The following GRIA3 variants were observed in gnomAD, a reference collection of about 807,000 sequenced individuals.
The protein encoded by GRIA3 is glutamate ionotropic receptor AMPA type subunit 3, also known as glutamate receptor 3.
A neutral mutation model predicts 63.0 loss-of-function variants in GRIA3; 3 were observed. That is an observed-to-expected ratio of 0.05 (90% confidence interval 0.02 to 0.12). The LOEUF (loss-of-function observed/expected upper bound fraction) is 0.12, where lower values mean the gene tolerates loss of function less well. GRIA3 is among the 10% of genes least tolerant of loss of function. The pLI is 1.00. For synonymous variants in GRIA3, 274 were observed against 257.9 expected, an observed-to-expected ratio of 1.06 and a Z score of -0.60; for missense variants, 347 against 700.9, an observed-to-expected ratio of 0.50 and a Z score of 5.70.
At chrX:123,425,297 T>C (rs2045583988) in intron 11 of GRIA3, among the ~76,000 whole-genome samples, 1 of 111,925 alleles carries the variant, frequency 8.9e-6, no homozygotes, top group African/African-American at 3.2e-5. Flanking sequence ...TGCCTCAGTT[T>C]CTTTATCTGT....
chrX:123,248,334 A>G (rs1010628421), intron 2 of GRIA3, among the ~76,000 whole-genome samples: 7 of 112,475 alleles, frequency 6.2e-5, no homozygotes, highest in Admixed American at 5.6e-4. Context: ...AACTTGCGCA[A>G]AGTTACGCAG....
At chrX:123,269,633 G>A (rs1409043150) in intron 3 of GRIA3, among the ~76,000 whole-genome samples, 1 of 111,880 alleles carries the variant, frequency 8.9e-6, no homozygotes, top group African/African-American at 3.2e-5. Flanking sequence ...AGACATCTCT[G>A]TGGTTTAGGC....
intron 12 of GRIA3, among the ~76,000 whole-genome samples, chrX:123,445,898 C>G (rs370343517): frequency 1.8e-5 from 2 of 112,257 alleles, no homozygotes; most frequent in African/African-American, 6.5e-5. Context: ...AAAAACGAAT[C>G]TAATTTATGG....
rs767140005 is a variant in GRIA3 at position 123,395,053 on chromosome X, T to C, written c.836T>C (p.Met279Thr). ...CAGATTGTCAACAATGAAAACCCTA[T>C]GGTTCAGCAGTTCATACAGCGCTGG... The part of the protein sequence containing the change: ...GFQIVNNENP[M>T]VQQFIQRWVR... The change falls in exon 6 of 16, where the codon ATG (methionine) becomes ACG (threonine). Residue 279 changes from methionine (M) to threonine (T), a missense_variant. Physicochemically the swap from Met to Thr is moderately conservative, Grantham distance 81 (BLOSUM62 -1). Transcript: ENST00000620443. 8.3e-7 allele frequency: 1 copy of C among 1,203,545 alleles called. No homozygotes were observed. The highest frequency in any genetic ancestry group is 1.1e-6 in the Non-Finnish European group (1 of 887,940).
At chrX:123,199,274 ATT>A (rs5903635) in intron 2 of GRIA3, among the ~76,000 whole-genome samples, 48 of 78,578 alleles carry the variant, frequency 6.1e-4, no homozygotes, top group African/African-American at 1.1e-3. Context: ...AGTCTTTTAA[ATT>A]TTTTTTTTTT....
intron 12 of GRIA3, among the ~76,000 whole-genome samples, chrX:123,461,826 G>A (rs1395774692): frequency 1.8e-5 from 2 of 110,493 alleles, no homozygotes; most frequent in East Asian, 5.7e-4. Context: ...AAAAGAAGAT[G>A]AGAGGACAGA....
intron 12 of GRIA3, among the ~76,000 whole-genome samples, chrX:123,450,846 A>G (rs2045726191): frequency 8.9e-6 from 1 of 112,314 alleles, no homozygotes; most frequent in South Asian, 3.7e-4. Flanking sequence ...CTGACATTTG[A>G]TCAGACACCC....
At chrX:123,383,205 T>C (rs761450303) in intron 5 of GRIA3, among the ~76,000 whole-genome samples, 27 of 112,489 alleles carry the variant, frequency 2.4e-4, no homozygotes, top group Non-Finnish European at 4.9e-4. Context: ...TATTGTCACA[T>C]GCATAGAATT....
rs774819805 is a variant in GRIA3, at chrX:123,206,100, T to C, written c.268+20110T>C. On this transcript the variant is annotated intron_variant, in intron 2 of 15. Coordinates refer to ENST00000620443, the MANE Select transcript of GRIA3 (RefSeq NM_007325.5). ...TAAATGTTTACTGATCTGGAAAACA[T>C]AACTCATGTAAGAAGCATGGCAAAT... Among the ~76,000 whole-genome samples the C allele has an allele frequency of 2.7e-5, 3 of 111,856 alleles. No individual in the cohort carries two copies. The South Asian group carries it at 1.1e-3, about 42-fold the overall frequency.
chrX:123,410,596 G>A (rs936289585), intron 10 of GRIA3, among the ~76,000 whole-genome samples: 1 of 111,860 alleles, frequency 8.9e-6, no homozygotes, highest in South Asian at 3.8e-4. Flanking sequence ...CATTAAGAAA[G>A]GCAGAGAGTC....
At chrX:123,211,108 C>T (rs1465045233) in intron 2 of GRIA3, among the ~76,000 whole-genome samples, 1 of 111,933 alleles carries the variant, frequency 8.9e-6, no homozygotes, top group Non-Finnish European at 1.9e-5. Context: ...ATATGTTACA[C>T]AGAAATAGGT....
chrX:123,388,785 C>T (rs983399875), intron 5 of GRIA3, among the ~76,000 whole-genome samples: 1 of 111,818 alleles, frequency 8.9e-6, no homozygotes, highest in African/African-American at 3.2e-5. Flanking sequence ...TCTTGCTTTT[C>T]TAGTTCTTTG....
At chrX:123,223,727 T>G (rs561938417) in intron 2 of GRIA3, among the ~76,000 whole-genome samples, 25 of 111,142 alleles carry the variant, frequency 2.2e-4, no homozygotes, top group African/African-American at 7.2e-4. Context: ...AGGATAAGGG[T>G]GGAAGGGAGC....
intron 10 of GRIA3, among the ~76,000 whole-genome samples, chrX:123,412,701 C>T (rs994471077): frequency 5.4e-5 from 6 of 111,503 alleles, no homozygotes; most frequent in Non-Finnish European, 9.4e-5. Context: ...CTTCTTCCAC[C>T]TGCCTTCTTC....
chrX:123,373,348 T>C (rs1170924358), intron 5 of GRIA3, among the ~76,000 whole-genome samples: 2 of 111,794 alleles, frequency 1.8e-5, no homozygotes, highest in Non-Finnish European at 3.8e-5. Context: ...GTCTTTATAG[T>C]AGCATAATTT....
rs2045544027 is a variant in GRIA3 at position 123,417,776 on chromosome X, A to G, written c.1875A>G (p.Pro625=). The change falls in exon 11 of 16, where the codon CCA becomes CCG. Residue 625 remains proline, a splice_region_variant and synonymous_variant. Transcript: ENST00000620443. ...TGCAGCAAGGATGTGATATTTCTCC[A>G]AGGTTTGTTTTTGTGGCATACTCAA... The part of the protein sequence containing the change: ...AFMQQGCDIS[P]RSLSGRIVGG... 3 of 1,185,881 alleles carry G rather than the reference A, an allele frequency of 2.5e-6. No homozygotes were observed. The highest frequency in any genetic ancestry group is 3.6e-5 in the African/African-American group (2 of 56,297).
chrX:123,255,547 T>C (rs1333216230), intron 3 of GRIA3, among the ~76,000 whole-genome samples: 1 of 106,778 alleles, frequency 9.4e-6, no homozygotes, highest in Non-Finnish European at 1.9e-5. Flanking sequence ...ACAGTGTACC[T>C]CTCATTTATT....
chrX:123,475,406 A>G (rs1171355691), intron 13 of GRIA3, among the ~76,000 whole-genome samples: 1 of 112,126 alleles, frequency 8.9e-6, no homozygotes, highest in Non-Finnish European at 1.9e-5. Context: ...AGTGAGATAA[A>G]TATTTTTGGA....
At chrX:123,325,228 T>C (rs1264948395) in intron 3 of GRIA3, among the ~76,000 whole-genome samples, 2 of 112,106 alleles carry the variant, frequency 1.8e-5, no homozygotes, top group Admixed American at 9.4e-5. Context: ...GCTATTCTTA[T>C]GGATCATACT....
Sources: allele counts gnomAD v4.1 joint callset (sites outside exome capture counted in the v4.1 genomes callset), GRCh38; gene constraint gnomAD v4.1.1; transcripts MANE v1.5; gene names NCBI Gene and HGNC (gene_info 2026-07-23, HGNC 2026-07-21).